CDC42BPB: variants seen among roughly 807,000 people sequenced by gnomAD.
CDC42BPB encodes CDC42 binding protein kinase beta, also known as serine/threonine-protein kinase MRCK beta.
Under a neutral mutation model 214.9 loss-of-function variants are expected in CDC42BPB, and 37 were observed. The observed-to-expected ratio is 0.17, with a 90% CI of 0.13 to 0.23. The LOEUF (loss-of-function observed/expected upper bound fraction) is 0.23. CDC42BPB is among the 10% of genes least tolerant of loss of function. The probability of loss-of-function intolerance (pLI) is 1.00; values close to 1 mark genes in which losing one functional copy is unlikely to be tolerated. For missense variants in CDC42BPB, 1,694 were observed against 2,227.0 expected, an observed-to-expected ratio of 0.76 and a Z score of 4.82; for synonymous variants, 931 against 884.0, an observed-to-expected ratio of 1.05 and a Z score of -0.94.
At chr14:102,934,483 G>A (rs1440545358) in intron 36 of CDC42BPB, among the ~76,000 whole-genome samples, 7 of 152,062 alleles carry the variant, frequency 4.6e-5, no homozygotes, top group Non-Finnish European at 8.8e-5. Context: ...GCAGTGAGCC[G>A]AGACTGCACC....
chr14:102,975,257 C>A (rs1172041688), intron 11 of CDC42BPB, among the ~76,000 whole-genome samples: 1 of 152,220 alleles, frequency 6.6e-6, no homozygotes, highest in African/African-American at 2.4e-5. Flanking sequence ...GGCGCAGTGG[C>A]TCATGCTTGT....
chr14:102,990,274 A>G (rs766095176), intron 5 of CDC42BPB, among the ~76,000 whole-genome samples: 57 of 152,356 alleles, frequency 3.7e-4, no homozygotes, highest in Middle Eastern at 6.8e-3. Flanking sequence ...AAACAAATCC[A>G]AGTGACTTAT....
intron 4 of CDC42BPB, among the ~76,000 whole-genome samples, chr14:103,000,040 A>C (rs778022506): frequency 6.6e-6 from 1 of 152,248 alleles, no homozygotes; most frequent in Admixed American, 6.5e-5. Flanking sequence ...TTAATAGCCC[A>C]TCAATCCTAT....
Position 102,938,357 on chromosome 14 carries a change from C to A in CDC42BPB, c.4882G>T (p.Ala1628Ser). 1 of 1,593,574 alleles carries A rather than the reference C, an allele frequency of 6.3e-7. No individual in the cohort carries two copies. The highest frequency in any genetic ancestry group is 1.2e-5 in the South Asian group (1 of 86,900). The change falls in exon 35 of 37, where the codon GCT (alanine) becomes TCT (serine). Residue 1628 changes from alanine (A) to serine (S), a missense_variant. Transcript: ENST00000361246. ...ERPGPAPTNL[A>S]RQPPSRNKPY... Reference sequence around the variant, plus strand: ...TTGTTCCTGGATGGAGGCTGGCGAGCCAGGTTGGTGGGAGCGGGGCCCGGC... The same window carrying A: ...TTGTTCCTGGATGGAGGCTGGCGAGACAGGTTGGTGGGAGCGGGGCCCGGC...
At chr14:102,956,526 T>C in intron 21 of CDC42BPB, 1 of 476,430 alleles carries the variant, frequency 2.1e-6, no homozygotes, top group South Asian at 9.0e-5. Context: ...TGCCTTCCCA[T>C]TTAAATCACA....
At chr14:102,939,470 T>C (rs1413712015) in intron 34 of CDC42BPB, 140 bp downstream of exon 34, 3 of 668,394 alleles carry the variant, frequency 4.5e-6, no homozygotes, top group East Asian at 2.6e-5. Context: ...GAGACGGGCT[T>C]GTGTGACAGG....
At position 102,946,237 on chromosome 14, in the gene CDC42BPB, A is replaced by T. The variant is rs35870729; in HGVS notation, c.3748+231T>A. 1.5e-3 allele frequency among the ~76,000 whole-genome samples: 233 copies of T among 151,544 alleles called. 1 individual carries two copies. Among genetic ancestry groups the T allele is most frequent in the African/African-American group, 5.3e-3 (218 of 41,246 alleles). ...ACAGGGTTTCACCGTGTTAGCCAGG[A>T]TGGTCTCAACCTCCTGACCTTGTGA... is the stretch of plus-strand genomic sequence containing the variant. On this transcript the variant is annotated intron_variant, in intron 28 of 36. Transcript: ENST00000361246.
intron 6 of CDC42BPB, among the ~76,000 whole-genome samples, chr14:102,986,068 C>T (rs1235006596): frequency 1.3e-5 from 2 of 152,198 alleles, no homozygotes; most frequent in South Asian, 4.1e-4. Context: ...AGAGAGGAAA[C>T]CCCTAGCAGG....
chr14:103,015,299 G>A (rs1424131525), intron 1 of CDC42BPB, among the ~76,000 whole-genome samples: 2 of 152,160 alleles, frequency 1.3e-5, no homozygotes, highest in Admixed American at 1.3e-4. Context: ...AAACTGCTCC[G>A]AGAACACTAA....
At position 103,004,463 on chromosome 14, in the gene CDC42BPB, C is replaced by T. The variant is rs375396770; in HGVS notation, c.352-440G>A. Among the ~76,000 whole-genome samples the T allele has an allele frequency of 3.1e-4, 47 of 152,322 alleles. No individual in the cohort carries two copies. In the South Asian group the frequency reaches 8.5e-3, roughly 28 times the overall value. The stretch of plus-strand genomic sequence containing the variant: ...TGCTGTGCAGCTGGCAGAAGGCGCA[C>T]ACGTTTGCTGAAATCACAGTATAGT... On this transcript the variant is annotated intron_variant, in intron 3 of 36. Transcript: ENST00000361246. This position sits in a 1 kb window ranked among gnomAD's most constrained non-coding sequence, Gnocchi z 5.3.
Position 102,967,038 on chromosome 14 carries a change from G to A in CDC42BPB, c.2471+8C>T, listed in dbSNP as rs774003808. The A allele has an allele frequency of 1.4e-5, 23 of 1,613,092 alleles. No individual in the cohort carries two copies. Among genetic ancestry groups the A allele is most frequent in the East Asian group, 2.2e-5 (1 of 44,880 alleles). On this transcript the variant is annotated splice_region_variant and intron_variant, in intron 17 of 36. Coordinates refer to ENST00000361246, the MANE Select transcript of CDC42BPB (RefSeq NM_006035.4). ...GATTCACGGCCGCTAATGGGGCCGC[G>A]CACGTACCACTGAATGATTTCCGCA...
At chr14:103,035,102 G>A (rs1595174352) in intron 1 of CDC42BPB, among the ~76,000 whole-genome samples, 1 of 151,558 alleles carries the variant, frequency 6.6e-6, no homozygotes, top group East Asian at 1.9e-4. Context: ...TGTTGCCCAG[G>A]CTGGAGTGCA....
intron 1 of CDC42BPB, among the ~76,000 whole-genome samples, chr14:103,037,482 C>T (rs1000935700): frequency 5.9e-5 from 9 of 151,962 alleles, no homozygotes; most frequent in African/African-American, 1.5e-4. Context: ...TTTGTAGAAT[C>T]GGGGCCTTGC....
At chr14:103,054,450 C>T (rs942630962) in intron 1 of CDC42BPB, among the ~76,000 whole-genome samples, 4 of 152,198 alleles carry the variant, frequency 2.6e-5, no homozygotes, top group African/African-American at 9.7e-5. Context: ...GTTTCCTGAG[C>T]AGAAGTAATT....
Position 103,004,933 on chromosome 14 carries a change from C to T in CDC42BPB, c.352-910G>A, listed in dbSNP as rs1895165749. On this transcript the variant is annotated intron_variant, in intron 3 of 36. Transcript: ENST00000361246. This position sits in a 1 kb window ranked among gnomAD's most constrained non-coding sequence, Gnocchi z 5.3. ...CTGTGGTCCCAGCAGTTTGGGAGGCCGAGGTGGGTGGATCACGAGGTCAGG... is the reference window on the plus strand; with the variant it reads ...CTGTGGTCCCAGCAGTTTGGGAGGCTGAGGTGGGTGGATCACGAGGTCAGG... Among the ~76,000 whole-genome samples, 1 of 151,828 alleles carries T rather than the reference C, an allele frequency of 6.6e-6. No individual in the cohort carries two copies. Among genetic ancestry groups the T allele is most frequent in the Non-Finnish European group, 1.5e-5 (1 of 67,976 alleles).
intron 18 of CDC42BPB, among the ~76,000 whole-genome samples, chr14:102,965,388 T>TAAAAAAAAAAAAAA (rs765936398): frequency 8.7e-6 from 1 of 115,270 alleles, no homozygotes. Context: ...TACCTGTGAT[T>TAAAAAAAAAAAAAA]AAAAAAAAAA....
chr14:102,946,785 G>T, intron 27 of CDC42BPB, 101 bp from the exon 28 acceptor site: 1 of 1,496,788 alleles, frequency 6.7e-7, no homozygotes, highest in South Asian at 1.3e-5. Flanking sequence ...AGGAGCAACG[G>T]GGGCTGATGT....
chr14:102,960,264 C>T (rs116462296), intron 20 of CDC42BPB, among the ~76,000 whole-genome samples: 1,615 of 151,854 alleles, frequency 0.011, 32 homozygotes, highest in African/African-American at 0.037. Flanking sequence ...CTGGGCTGGG[C>T]GTAGGTGGAG....
chr14:102,940,796 AC>A (rs952938552), intron 30 of CDC42BPB: 2 of 216,948 alleles, frequency 9.2e-6, no homozygotes, highest in African/African-American at 4.5e-5. Context: ...CTGGGCAACA[AC>A]CCTGCCTGTC....
Sources: allele counts gnomAD v4.1 joint callset (sites outside exome capture counted in the v4.1 genomes callset), GRCh38; gene constraint gnomAD v4.1.1; non-coding constraint Gnocchi (gnomAD v3.1); transcripts MANE v1.5; gene names NCBI Gene and HGNC (gene_info 2026-07-23, HGNC 2026-07-21).